The following RBM6 variants were observed in gnomAD, a reference collection of about 807,000 sequenced individuals.
RBM6 encodes the protein RNA-binding protein 6.
In RBM6, 23 loss-of-function variants were observed where a neutral mutation model predicts 140.4. The observed-to-expected ratio is 0.16, with a 90% CI of 0.12 to 0.23. The LOEUF (loss-of-function observed/expected upper bound fraction) is 0.23. Ranked by LOEUF, RBM6 falls within the 10% of genes least tolerant of loss-of-function variation. The pLI, the probability that RBM6 is intolerant of heterozygous loss-of-function variation, is 1.00. For synonymous variants in RBM6, 439 were observed against 475.6 expected (o/e 0.92, Z 1.00); for missense variants, 1,139 against 1,386.7 (o/e 0.82, Z 2.84).
Position 49,975,338 on chromosome 3 carries a change from C to A in RBM6, c.1429C>A (p.Arg477=). ...ATTTTTGCAGATTCTTAATGCTTTT[C>A]GGACTCCTGATGGCATGCCTGTAAA... ...ATKEEILNAF[R]TPDGMPVKNL... is the part of the protein sequence containing the mutation. Residue 477 remains arginine, a synonymous_variant, in exon 5 of 21, where the codon CGG becomes AGG. Transcript: ENST00000266022. 3 of 1,613,252 alleles carry A rather than the reference C, an allele frequency of 1.9e-6. No homozygotes were observed. Among genetic ancestry groups the A allele is most frequent in the Non-Finnish European group, 2.5e-6 (3 of 1,179,242 alleles).
chr3:49,980,144 G>T (rs1431725306), intron 5 of RBM6, among the ~76,000 whole-genome samples: 1 of 151,810 alleles, frequency 6.6e-6, no homozygotes, highest in South Asian at 2.1e-4. Flanking sequence ...TGGGATTACA[G>T]GCGCCTGCCC....
rs373038896 is a variant in RBM6 at position 50,065,166 on chromosome 3, T to C, written c.2682+40T>C. On this transcript the variant is annotated intron_variant, in intron 16 of 20. Coordinates refer to ENST00000266022, the MANE Select transcript of RBM6 (RefSeq NM_005777.3). ...GATCCCCTGGACCTAGGGCTGGGGCTGGGGATGGTTCCGAGTAGAAGAGGA... is the reference window on the plus strand; with the variant it reads ...GATCCCCTGGACCTAGGGCTGGGGCCGGGGATGGTTCCGAGTAGAAGAGGA... 411 of 1,511,004 alleles carry C rather than the reference T, an allele frequency of 2.7e-4. 1 individual carries two copies. Among genetic ancestry groups the C allele is most frequent in the Admixed American group, 1.5e-4 (8 of 53,542 alleles). 93.6% of individuals were successfully genotyped at this position (1,511,004 alleles called of 1,614,324 possible).
At chr3:50,024,225 G>A (rs1377703315) in intron 6 of RBM6, among the ~76,000 whole-genome samples, 2 of 152,174 alleles carry the variant, frequency 1.3e-5, no homozygotes, top group Non-Finnish European at 2.9e-5. Flanking sequence ...TTTGAAGTGT[G>A]CAAATGGAAA....
intron 6 of RBM6, among the ~76,000 whole-genome samples, chr3:50,031,834 G>A (rs2088185547): frequency 6.6e-6 from 1 of 152,016 alleles, no homozygotes. Flanking sequence ...AAATAATGCA[G>A]AGTATAATTT....
chr3:49,946,001 G>A (rs895908628), intron 1 of RBM6, among the ~76,000 whole-genome samples: 3 of 151,856 alleles, frequency 2.0e-5, no homozygotes, highest in Admixed American at 6.6e-5. Flanking sequence ...AGAAAAAGCT[G>A]CATGAGGACA....
At chr3:49,962,169 G>C (rs1575558497) in intron 1 of RBM6, among the ~76,000 whole-genome samples, 2 of 97,796 alleles carry the variant, frequency 2.0e-5, no homozygotes, top group Admixed American at 2.2e-4. Context: ...AAAAAAAAAA[G>C]AAGGCCGGGT....
At chr3:50,057,079 A>G (rs1323382333) in intron 8 of RBM6, among the ~76,000 whole-genome samples, 3 of 152,194 alleles carry the variant, frequency 2.0e-5, no homozygotes, top group Admixed American at 6.5e-5. Flanking sequence ...ATGTGTTGTT[A>G]TCATTGATTA....
intron 5 of RBM6, among the ~76,000 whole-genome samples, chr3:49,983,120 C>T (rs956067935): frequency 5.3e-5 from 8 of 152,202 alleles, no homozygotes; most frequent in Non-Finnish European, 1.0e-4. Context: ...GCTGAGATTA[C>T]AAGTGTAAGA....
rs181834558 is a variant in RBM6 at position 50,031,770 on chromosome 3, T to C, written c.1558-16475T>C. Among the ~76,000 whole-genome samples the C allele has an allele frequency of 1.4e-4, 21 of 152,222 alleles. No individual in the cohort carries two copies. The East Asian group carries it at 4.1e-3, about 29-fold the overall frequency. ...ATTTGATACCACAATAGGGTGAGTA[T>C]AGTCAATAATGACTTAATTGTACAT... On this transcript the variant is annotated intron_variant, in intron 6 of 20. Coordinates refer to ENST00000266022, the MANE Select transcript of RBM6 (RefSeq NM_005777.3).
At chr3:49,955,959 A>G (rs2083967866) in intron 1 of RBM6, among the ~76,000 whole-genome samples, 1 of 151,528 alleles carries the variant, frequency 6.6e-6, no homozygotes, top group African/African-American at 2.4e-5. Flanking sequence ...AATTACTGAT[A>G]AGGACTTTTG....
intron 1 of RBM6, among the ~76,000 whole-genome samples, chr3:49,951,998 G>A: frequency 6.6e-6 from 1 of 151,634 alleles, no homozygotes; most frequent in East Asian, 1.9e-4. Flanking sequence ...TGGGATTATA[G>A]GTGTGAGCCC....
intron 6 of RBM6, among the ~76,000 whole-genome samples, chr3:50,030,926 C>T (rs1182628936): frequency 6.6e-6 from 1 of 150,910 alleles, no homozygotes; most frequent in Non-Finnish European, 1.5e-5. Context: ...AGTTAGGGGG[C>T]TGGGGGGAAG....
rs1308924684 is a variant in RBM6 at position 50,026,937 on chromosome 3, CATTTGATG to C, written c.1558-21295_1558-21288del. ...AAAAAAAAAAAATAGCATAGGTAGG[CATTTGATG>C]ATTTGATGATTTCATTCGCATCCCT... is the stretch of plus-strand genomic sequence containing the variant. On this transcript the variant is annotated intron_variant, in intron 6 of 20. Coordinates refer to ENST00000266022, the MANE Select transcript of RBM6 (RefSeq NM_005777.3). Among the ~76,000 whole-genome samples the C allele has an allele frequency of 7.3e-5, 11 of 150,992 alleles. No individual in the cohort carries two copies. The East Asian group carries it at 1.2e-3, about 16-fold the overall frequency.
intron 19 of RBM6, among the ~76,000 whole-genome samples, chr3:50,072,214 C>T (rs2090325872): frequency 1.3e-5 from 2 of 151,126 alleles, no homozygotes; most frequent in South Asian, 4.2e-4. Flanking sequence ...TCGAGACCAG[C>T]CTGGCCAACA....
chr3:50,041,440 AT>A (rs1334654710), intron 6 of RBM6, among the ~76,000 whole-genome samples: 2 of 151,976 alleles, frequency 1.3e-5, no homozygotes, highest in Non-Finnish European at 2.9e-5. Context: ...CTTCTATCTC[AT>A]TTTGGTTTGG....
intron 6 of RBM6, among the ~76,000 whole-genome samples, chr3:50,029,712 G>A (rs1429493202): frequency 2.6e-5 from 4 of 151,986 alleles, no homozygotes; most frequent in Non-Finnish European, 5.9e-5. Flanking sequence ...CAGCCAGGGC[G>A]ACAGAGCGAG....
intron 3 of RBM6, among the ~76,000 whole-genome samples, chr3:49,971,432 G>C (rs1225714959): frequency 1.3e-5 from 2 of 150,764 alleles, no homozygotes; most frequent in South Asian, 2.1e-4. Context: ...GCGACAGAGC[G>C]ACACTCTGTC....
intron 7 of RBM6, among the ~76,000 whole-genome samples, chr3:50,052,927 G>A (rs2089530232): frequency 6.6e-6 from 1 of 151,794 alleles, no homozygotes; most frequent in African/African-American, 2.4e-5. Context: ...GCTGACAATG[G>A]AGAGAGGAAG....
At chr3:50,060,753 CAA>C (rs35467618) in intron 11 of RBM6, 4,191 of 123,344 alleles carry the variant, frequency 0.034, no homozygotes, top group Middle Eastern at 0.044. Context: ...GACTCCGTCT[CAA>C]AAAAAAAAAA....
Sources: gnomAD v4.1 joint callset for allele counts (sites outside exome capture counted in the v4.1 genomes callset) on GRCh38, gnomAD v4.1.1 for gene constraint, MANE v1.5 for transcripts, NCBI Gene and HGNC (gene_info 2026-07-23, HGNC 2026-07-21) for gene names.